Variants in QRSL1 observed in about 807,000 individuals in gnomAD.
QRSL1 encodes the protein glutaminyl-tRNA amidotransferase subunit QRSL1.
QRSL1 carries 54 observed loss-of-function variants against 61.6 expected under a neutral mutation model. The observed-to-expected ratio is 0.88, with a 90% confidence interval of 0.70 to 1.10. QRSL1 has a LOEUF of 1.10. QRSL1 is among the 50% of genes least tolerant of loss of function. QRSL1 has a pLI of 0.00. For synonymous variants in QRSL1, 228 were observed against 225.7 expected (o/e 1.01, Z -0.09); for missense variants, 505 against 622.6 (o/e 0.81, Z 2.01).
intron 9 of QRSL1, among the ~76,000 whole-genome samples, chr6:106,659,687 A>G (rs576170649): frequency 1.1e-3 from 173 of 152,286 alleles, no homozygotes; most frequent in African/African-American, 4.1e-3. Flanking sequence ...CCAGGATGCA[A>G]TAAAGGTGCT....
chr6:106,652,257 C>T lies in QRSL1; in HGVS notation c.606C>T (p.His202=), dbSNP rs1777197644. The change falls in exon 6 of 11, where the codon CAC becomes CAT. Residue 202 remains histidine (H), a synonymous_variant. Transcript: ENST00000369046. ...TGGSTRNPAA[H]CGLVGFKPSY... ...GATCGACCAGAAATCCTGCTGCCCA[C>T]TGTGGGCTTGTTGGTTTCAAACCAA... 3 of 1,614,064 alleles carry T rather than the reference C, an allele frequency of 1.9e-6. No individual in the cohort carries two copies. The African/African-American group carries it at 4.0e-5, about 22-fold the overall frequency.
chr6:106,639,129 T>G (rs1039960066), intron 1 of QRSL1, among the ~76,000 whole-genome samples: 7 of 140,362 alleles, frequency 5.0e-5, no homozygotes, highest in African/African-American at 1.1e-4. Context: ...GTTTTTTTTT[T>G]TTTTTTTTTT....
At position 106,649,091 on chromosome 6, in the gene QRSL1, A is replaced by G. The variant is rs1052913713; in HGVS notation, c.447A>G (p.Arg149=). The G allele has an allele frequency of 1.2e-6, 2 of 1,614,044 alleles. No individual in the cohort carries two copies. Among genetic ancestry groups the G allele is most frequent in the African/African-American group, 2.7e-5 (2 of 74,938 alleles). Residue 149 remains arginine (R), a synonymous_variant, in exon 5 of 11, where the codon AGA becomes AGG. Coordinates refer to ENST00000369046, the MANE Select transcript of QRSL1 (RefSeq NM_018292.5). ...KNPWSYSKQY[R]EKRKQNPHSE... ...CCTGGAGTTATTCAAAACAATATAG[A>G]GAAAAGAGGAAGCAGAATCCCCACA...
At chr6:106,633,931 G>A (rs866466309) in intron 1 of QRSL1, among the ~76,000 whole-genome samples, 4 of 147,298 alleles carry the variant, frequency 2.7e-5, no homozygotes, top group Non-Finnish European at 5.9e-5. Flanking sequence ...GTGTGGAAAC[G>A]CAGCCATTAA....
At chr6:106,645,913 T>C (rs1446770511) in intron 4 of QRSL1, among the ~76,000 whole-genome samples, 1 of 152,240 alleles carries the variant, frequency 6.6e-6, no homozygotes, top group African/African-American at 2.4e-5. Flanking sequence ...AGTCTACAAA[T>C]AGAGTTAGTC....
In QRSL1 at chr6:106,639,116, G is replaced by GTTTTTTTTTTTTTTTTTTTTTTTTTTTTT. The variant is rs1554200732; in HGVS notation, c.25-1231_25-1230insTTTTTTTTTTTTTTTTTTTTTTTTTTTTT. On this transcript the variant is annotated intron_variant, in intron 1 of 10. Transcript: ENST00000369046. ...ACTTGTGTGGTTATTTGTGTGTTTT[G>GTTTTTTTTTTTTTTTTTTTTTTTTTTTTT]TTGTTTTTTTTTTTTTTTTTTTTTT... Among the ~76,000 whole-genome samples, 3 of 54,358 alleles carry GTTTTTTTTTTTTTTTTTTTTTTTTTTTTT rather than the reference G, an allele frequency of 5.5e-5. 1 individual carries two copies. 35.7% of individuals were successfully genotyped at this position (54,358 alleles called of 152,430 possible). A position where few individuals can be genotyped will look rare whatever the true frequency, so the allele number is the denominator to read the frequency against.
intron 4 of QRSL1, 32 bp downstream of exon 4, chr6:106,643,122 C>A (rs145768631): frequency 7.0e-7 from 1 of 1,433,022 alleles, no homozygotes; most frequent in South Asian, 1.2e-5. Flanking sequence ...TCTTGAGTTT[C>A]TTCTGTCTGT....
At chr6:106,653,059 G>A in intron 7 of QRSL1, 1 of 226,398 alleles carries the variant, frequency 4.4e-6, no homozygotes. Context: ...TTAGCCCAAA[G>A]CCACAACTTG....
chr6:106,644,261 A>AACTG (rs1290098830), intron 4 of QRSL1, among the ~76,000 whole-genome samples: 1 of 152,088 alleles, frequency 6.6e-6, no homozygotes, highest in Non-Finnish European at 1.5e-5. Flanking sequence ...CCTGGACTCA[A>AACTG]ACTGTGCTCC....
At chr6:106,652,642 C>T (rs1486088797) in intron 7 of QRSL1, 60 bp downstream of exon 7, 1 of 1,607,240 alleles carries the variant, frequency 6.2e-7, no homozygotes, top group Non-Finnish European at 8.5e-7. Flanking sequence ...AGAGCACAGA[C>T]TTGGGAGGCG....
At chr6:106,630,979 C>G (rs1776812622) in intron 1 of QRSL1, among the ~76,000 whole-genome samples, 2 of 152,182 alleles carry the variant, frequency 1.3e-5, no homozygotes, top group Admixed American at 6.6e-5. Context: ...GTAATCCCAG[C>G]ACTTTGGGAG....
At chr6:106,642,596 CA>C (rs1777039028) in intron 3 of QRSL1, 1 of 753,080 alleles carries the variant, frequency 1.3e-6, no homozygotes, top group Admixed American at 1.7e-5. Context: ...GGGTATTGTT[CA>C]AAAAGGAATG....
chr6:106,636,034 TCCAAAATC>T (rs1776913975), intron 1 of QRSL1, among the ~76,000 whole-genome samples: 5 of 152,136 alleles, frequency 3.3e-5, no homozygotes, highest in Admixed American at 2.6e-4. Context: ...TCTGAAATGC[TCCAAAATC>T]CAAAACTTTT....
Position 106,663,053 on chromosome 6 carries a change from A to G in QRSL1, c.1234A>G (p.Asn412Asp), listed in dbSNP as rs751107161. ...TGCTAATGACTTTGTAAATGCTTTT[A>G]ACTCTGGAGTAGATGTCTTGCTAAC... ...LIANDFVNAF[N>D]SGVDVLLTPT... The change falls in exon 10 of 11, where the codon AAC becomes GAC. Residue 412 changes from asparagine to aspartate, a missense_variant. Asn to Asp is a conservative substitution (Grantham distance 23, BLOSUM62 1). Coordinates refer to ENST00000369046, the MANE Select transcript of QRSL1 (RefSeq NM_018292.5). The G allele has an allele frequency of 6.2e-7, 1 of 1,612,886 alleles. No homozygotes were observed. The highest frequency in any genetic ancestry group is 8.5e-7 in the Non-Finnish European group (1 of 1,178,804).
rs2114701519 is a variant in QRSL1, at chr6:106,639,271, A to C, written c.25-1078A>C. Reference sequence around the variant, plus strand: ...CTCCCAAGTAGCTGGGACTACAGGCACGTGCCACCACACCTGGCTAATTTT... The same window carrying C: ...CTCCCAAGTAGCTGGGACTACAGGCCCGTGCCACCACACCTGGCTAATTTT... On this transcript the variant is annotated intron_variant, in intron 1 of 10. Transcript: ENST00000369046. 2.6e-5 allele frequency among the ~76,000 whole-genome samples: 4 copies of C among 151,708 alleles called. 1 individual carries two copies. Among genetic ancestry groups the C allele is most frequent in the Admixed American group, 2.6e-4 (4 of 15,254 alleles).
intron 4 of QRSL1, among the ~76,000 whole-genome samples, chr6:106,646,911 C>T (rs540052845): frequency 1.3e-5 from 2 of 151,396 alleles, no homozygotes; most frequent in Non-Finnish European, 2.9e-5. Context: ...GCCTGTAGTC[C>T]CCGCTACTCA....
At chr6:106,642,619 T>A (rs1173554728) in intron 3 of QRSL1, 1 of 771,902 alleles carries the variant, frequency 1.3e-6, no homozygotes, top group Admixed American at 1.7e-5. Flanking sequence ...CCCACAAGTG[T>A]TACCATGGCA....
chr6:106,648,860 T>C (rs1562168690), intron 4 of QRSL1, among the ~76,000 whole-genome samples, 165 bp from the exon 5 acceptor site: 1 of 152,226 alleles, frequency 6.6e-6, no homozygotes, highest in Non-Finnish European at 1.5e-5. Flanking sequence ...CAACTGTCAA[T>C]TAATGAAAGC....
At position 106,665,882 on chromosome 6, in the gene QRSL1, A is replaced by G. The variant is rs150920777; in HGVS notation, c.1467A>G (p.Thr489=). Reference sequence around the variant, plus strand: ...CGTTTTGTGACCAGCAGCTTCTTACAGTAGCCAAATGGTTTGAAAAACAAG... The same window carrying G: ...CGTTTTGTGACCAGCAGCTTCTTACGGTAGCCAAATGGTTTGAAAAACAAG... ...GRAFCDQQLL[T]VAKWFEKQVQ... Residue 489 remains threonine (T), a synonymous_variant, in exon 11 of 11, where the codon ACA becomes ACG. Coordinates refer to ENST00000369046, the MANE Select transcript of QRSL1 (RefSeq NM_018292.5). 3.9e-4 allele frequency: 622 copies of G among 1,614,014 alleles called. 1 individual carries two copies. Among genetic ancestry groups the G allele is most frequent in the Non-Finnish European group, 5.1e-4 (604 of 1,179,870 alleles).
Sources: allele counts gnomAD v4.1 joint callset (sites outside exome capture counted in the v4.1 genomes callset), GRCh38; gene constraint gnomAD v4.1.1; transcripts MANE v1.5; gene names NCBI Gene and HGNC (gene_info 2026-07-23, HGNC 2026-07-21).